Variants in MATCAP2 observed in about 807,000 individuals in gnomAD.
MATCAP2 encodes microtubule associated tyrosine carboxypeptidase 2, also known as putative tyrosine carboxypeptidase MATCAP2.
the MATCAP2 span, among the ~76,000 whole-genome samples, chr7:36,359,253 G>A: frequency 1.3e-5 from 2 of 152,218 alleles, no homozygotes; most frequent in African/African-American, 4.8e-5. Flanking sequence ...CAACTGGGGA[G>A]AGGGTATTGA....
chr7:36,346,919 C>G, the MATCAP2 span, among the ~76,000 whole-genome samples: 7 of 152,138 alleles, frequency 4.6e-5, no homozygotes, highest in African/African-American at 1.7e-4. Context: ...CGCCACCACA[C>G]TAGGCTAATT....
the MATCAP2 span, among the ~76,000 whole-genome samples, chr7:36,374,795 T>G: frequency 6.6e-5 from 10 of 152,348 alleles, no homozygotes; most frequent in African/African-American, 2.4e-4. Flanking sequence ...GGTGTTTGGT[T>G]TTCTGTCCTT....
chr7:36,378,380 C>T, the MATCAP2 span, among the ~76,000 whole-genome samples: 13 of 152,264 alleles, frequency 8.5e-5, no homozygotes, highest in Admixed American at 8.5e-4. Context: ...CACTGCAGAC[C>T]CTGTTTGCCT....
At chr7:36,364,202 C>T in the MATCAP2 span, among the ~76,000 whole-genome samples, 8 of 152,060 alleles carry the variant, frequency 5.3e-5, no homozygotes, top group Non-Finnish European at 1.0e-4. Context: ...ATACTCCTGC[C>T]TCAGCCTTCC....
the MATCAP2 span, among the ~76,000 whole-genome samples, chr7:36,349,820 G>A: frequency 6.6e-6 from 1 of 152,168 alleles, no homozygotes; most frequent in Non-Finnish European, 1.5e-5. Context: ...CTTTCAATGA[G>A]TCATCAAGTT....
At chr7:36,331,466 A>G in the MATCAP2 span, among the ~76,000 whole-genome samples, 11 of 152,324 alleles carry the variant, frequency 7.2e-5, no homozygotes, top group East Asian at 7.7e-4. Flanking sequence ...GGGAGGCCTG[A>G]GCAGGATAGT....
the MATCAP2 span, among the ~76,000 whole-genome samples, chr7:36,339,084 A>G: frequency 6.6e-6 from 1 of 152,352 alleles, no homozygotes; most frequent in East Asian, 1.9e-4. Flanking sequence ...ACCTCTTGAG[A>G]CTATGTCTCA....
At chr7:36,383,378 G>T in the MATCAP2 span, among the ~76,000 whole-genome samples, 2 of 152,110 alleles carry the variant, frequency 1.3e-5, no homozygotes, top group Non-Finnish European at 1.5e-5. Context: ...GTTTACTGCG[G>T]CACTGTTCAC....
At chr7:36,332,687 G>A in the MATCAP2 span, among the ~76,000 whole-genome samples, 1 of 152,206 alleles carries the variant, frequency 6.6e-6, no homozygotes, top group Non-Finnish European at 1.5e-5. Context: ...CAGCACTTTG[G>A]GAGGCCGAGG....
At chr7:36,375,285 G>A in the MATCAP2 span, among the ~76,000 whole-genome samples, 1 of 152,150 alleles carries the variant, frequency 6.6e-6, no homozygotes, top group African/African-American at 2.4e-5. Flanking sequence ...TTTCTCTGAT[G>A]ACCAGTGATG....
the MATCAP2 span, among the ~76,000 whole-genome samples, chr7:36,388,299 TAA>T: frequency 1.4e-5 from 2 of 140,898 alleles, no homozygotes. Flanking sequence ...CCACAAAGGT[TAA>T]AAAAAAAAAA....
chr7:36,365,167 T>C, the MATCAP2 span, among the ~76,000 whole-genome samples: 9 of 152,234 alleles, frequency 5.9e-5, no homozygotes, highest in Non-Finnish European at 1.3e-4. Flanking sequence ...AATATTAATT[T>C]ATTTGTATCT....
chr7:36,332,525 G>A, the MATCAP2 span, among the ~76,000 whole-genome samples: 1,340 of 152,226 alleles, frequency 8.8e-3, 8 homozygotes, highest in Middle Eastern at 0.017. Context: ...AAGGCACTAC[G>A]CTGTCATACG....
At chr7:36,362,727 C>T in the MATCAP2 span, among the ~76,000 whole-genome samples, 2 of 152,272 alleles carry the variant, frequency 1.3e-5, no homozygotes, top group South Asian at 2.1e-4. Context: ...ATGCTCTCTC[C>T]GAACATACTT....
At chr7:36,384,070 G>C in the MATCAP2 span, 1 of 326,520 alleles carries the variant, frequency 3.1e-6, no homozygotes, top group Non-Finnish European at 5.3e-6. Context: ...GTGTGTGACT[G>C]TATTTTGAAA....
chr7:36,370,141 A>C, the MATCAP2 span, among the ~76,000 whole-genome samples: 1 of 152,228 alleles, frequency 6.6e-6, no homozygotes, highest in East Asian at 1.9e-4. Flanking sequence ...AGCTCCTTTT[A>C]CTATTCCCAT....
At chr7:36,362,613 C>T in the MATCAP2 span, among the ~76,000 whole-genome samples, 1 of 152,186 alleles carries the variant, frequency 6.6e-6, no homozygotes, top group African/African-American at 2.4e-5. Context: ...TCTATGAGGT[C>T]ACTCTTGGTC....
chr7:36,352,701 G>C, the MATCAP2 span, among the ~76,000 whole-genome samples: 1 of 151,662 alleles, frequency 6.6e-6, no homozygotes. Context: ...GCATCATGGC[G>C]GGTGCCCATA....
At chr7:36,348,078 G>A in the MATCAP2 span, among the ~76,000 whole-genome samples, 9 of 152,136 alleles carry the variant, frequency 5.9e-5, no homozygotes, top group Admixed American at 2.6e-4. Context: ...CTTCCAACAC[G>A]TATGGCTCCT....
Sources: allele counts gnomAD v4.1 joint callset (sites outside exome capture counted in the v4.1 genomes callset), GRCh38; gene constraint gnomAD v4.1.1; transcripts MANE v1.5; gene names NCBI Gene and HGNC (gene_info 2026-07-23, HGNC 2026-07-21).